Variants in EPHA6 observed in about 807,000 individuals in gnomAD.
EPHA6 encodes EPH receptor A6.
In EPHA6, 50 loss-of-function variants were observed where a neutral mutation model predicts 112.0. The ratio of observed to expected loss-of-function variants is 0.45; its 90% confidence interval spans 0.36 to 0.56. EPHA6 has a LOEUF of 0.56. Ranked by LOEUF, EPHA6 falls within the 20% of genes least tolerant of loss-of-function variation. The pLI, the probability that EPHA6 is intolerant of heterozygous loss-of-function variation, is 0.00. For missense variants in EPHA6, 1,280 were observed against 1,417.4 expected, an observed-to-expected ratio of 0.90 and a Z score of 1.56; for synonymous variants, 529 against 490.7, an observed-to-expected ratio of 1.08 and a Z score of -1.03.
At chr3:97,410,136 C>T (rs1022642797) in intron 6 of EPHA6, among the ~76,000 whole-genome samples, 3 of 151,946 alleles carry the variant, frequency 2.0e-5, no homozygotes, top group Non-Finnish European at 2.9e-5. Context: ...TTCTGAAAGT[C>T]GCATACTCCT....
intron 11 of EPHA6, among the ~76,000 whole-genome samples, chr3:97,534,112 G>A (rs2092728735): frequency 6.6e-6 from 1 of 152,074 alleles, no homozygotes; most frequent in Non-Finnish European, 1.5e-5. Context: ...GCAGCTATGG[G>A]TAAATTACTT....
intron 5 of EPHA6, among the ~76,000 whole-genome samples, chr3:97,308,070 C>G (rs1399650899): frequency 2.0e-5 from 3 of 151,474 alleles, no homozygotes; most frequent in African/African-American, 7.3e-5. Context: ...TCTTTAACTC[C>G]TTATATTCAT....
At chr3:96,817,247 A>C (rs1371509449) in intron 1 of EPHA6, among the ~76,000 whole-genome samples, 1 of 151,926 alleles carries the variant, frequency 6.6e-6, no homozygotes, top group African/African-American at 2.4e-5. Flanking sequence ...AGTGAGTAGA[A>C]ATTTTTCCTG....
chr3:97,710,406 G>A (rs1222423828), intron 14 of EPHA6, among the ~76,000 whole-genome samples: 1 of 152,164 alleles, frequency 6.6e-6, no homozygotes, highest in Non-Finnish European at 1.5e-5. Context: ...TGCAAAAGAA[G>A]ACCTGCTGCT....
At chr3:97,178,657 A>G (rs2076901983) in intron 3 of EPHA6, among the ~76,000 whole-genome samples, 1 of 152,074 alleles carries the variant, frequency 6.6e-6, no homozygotes, top group South Asian at 2.1e-4. Flanking sequence ...AGCACTCTTC[A>G]TATGTCATGC....
intron 1 of EPHA6, among the ~76,000 whole-genome samples, chr3:96,821,495 C>A (rs897516341): frequency 6.6e-6 from 1 of 151,668 alleles, no homozygotes; most frequent in Admixed American, 6.6e-5. Flanking sequence ...TTCTCTAAAA[C>A]AAAATGATTA....
chr3:97,226,989 G>A (rs1305206608), intron 4 of EPHA6, among the ~76,000 whole-genome samples: 2 of 152,024 alleles, frequency 1.3e-5, no homozygotes, highest in African/African-American at 4.8e-5. Flanking sequence ...AAATCTAAAT[G>A]TGAAGGTCAT....
In EPHA6 at chr3:96,973,403, G is replaced by A. The variant is rs144577522; in HGVS notation, c.451-13927G>A. Among the ~76,000 whole-genome samples, 385 of 152,092 alleles carry A rather than the reference G, an allele frequency of 2.5e-3. 3 individuals carry two copies. Among genetic ancestry groups the A allele is most frequent in the African/African-American group, 8.8e-3 (364 of 41,486 alleles). On this transcript the variant is annotated intron_variant, in intron 2 of 17. Coordinates refer to ENST00000389672, the MANE Select transcript of EPHA6 (RefSeq NM_001080448.3). ...TACATATAACTTATTCTTTAGCTGCGAAATGTTTAGATGTACGTAAGTTTG... is the reference window on the plus strand; with the variant it reads ...TACATATAACTTATTCTTTAGCTGCAAAATGTTTAGATGTACGTAAGTTTG...
Position 97,758,766 on chromosome 3 carries a change from G to C in EPHA6, c.*10065G>C, listed in dbSNP as rs899559641. ...AAGGAAGCATCCATGAGAAGATATG[G>C]GGGAAGAGCATTACAAGCAGAGGGA... On this transcript the variant is annotated 3_prime_UTR_variant, in exon 18 of 18. Transcript: ENST00000389672. Among the ~76,000 whole-genome samples, 2 of 151,886 alleles carry C rather than the reference G, an allele frequency of 1.3e-5. No individual in the cohort carries two copies. Among genetic ancestry groups the C allele is most frequent in the African/African-American group, 2.4e-5 (1 of 41,408 alleles).
At position 96,823,355 on chromosome 3, in the gene EPHA6, G is replaced by A. The variant is rs375811438; in HGVS notation, c.385+8347G>A. The stretch of plus-strand genomic sequence containing the variant: ...TCAGGAGAAAAGCTGATCCATGGCA[G>A]TATTGTTTAAATGATTCTATTTGTT... On this transcript the variant is annotated intron_variant, in intron 1 of 17. Transcript: ENST00000389672. 2.9e-4 allele frequency among the ~76,000 whole-genome samples: 44 copies of A among 151,830 alleles called. 2 individuals carry two copies. The highest frequency in any genetic ancestry group is 9.9e-4 in the African/African-American group (41 of 41,512).
chr3:97,278,689 G>T (rs1054508725), intron 5 of EPHA6, among the ~76,000 whole-genome samples: 1 of 152,138 alleles, frequency 6.6e-6, no homozygotes, highest in African/African-American at 2.4e-5. Context: ...AGCACTAGAG[G>T]GTGCAGTGTG....
At chr3:96,891,530 G>A (rs972712736) in intron 2 of EPHA6, among the ~76,000 whole-genome samples, 2 of 151,996 alleles carry the variant, frequency 1.3e-5, no homozygotes, top group African/African-American at 4.8e-5. Flanking sequence ...TCAACATGGT[G>A]AAACCCTGTC....
chr3:96,960,623 G>T (rs1274386613), intron 2 of EPHA6, among the ~76,000 whole-genome samples: 2 of 152,162 alleles, frequency 1.3e-5, no homozygotes, highest in Non-Finnish European at 2.9e-5. Context: ...TTGCTTTAAG[G>T]AAGAGTTTGT....
intron 11 of EPHA6, among the ~76,000 whole-genome samples, chr3:97,581,019 C>T (rs2093432477): frequency 6.6e-6 from 1 of 152,202 alleles, no homozygotes; most frequent in Non-Finnish European, 1.5e-5. Context: ...AGTCTCTCCC[C>T]TCATGGAATA....
chr3:97,063,583 AGTTAATGC>A (rs549473638), intron 3 of EPHA6, among the ~76,000 whole-genome samples: 61 of 152,320 alleles, frequency 4.0e-4, no homozygotes, highest in African/African-American at 1.4e-3. Context: ...CAGGAGAAAT[AGTTAATGC>A]ATGCTGGGCT....
intron 10 of EPHA6, among the ~76,000 whole-genome samples, chr3:97,528,225 A>G (rs1176002321): frequency 6.6e-6 from 1 of 152,222 alleles, no homozygotes; most frequent in South Asian, 2.1e-4. Context: ...TGAGGTTCGT[A>G]TTATTTCCAA....
chr3:97,343,144 C>A lies in EPHA6; in HGVS notation c.1607-62006C>A, dbSNP rs961823139. ...AAAGCCTCTGTCATCTTAGAGAATACATAAATAATTATGTATAGAAAGTTG... is the reference window on the plus strand; with the variant it reads ...AAAGCCTCTGTCATCTTAGAGAATAAATAAATAATTATGTATAGAAAGTTG... On this transcript the variant is annotated intron_variant, in intron 5 of 17. Coordinates refer to ENST00000389672, the MANE Select transcript of EPHA6 (RefSeq NM_001080448.3). Among the ~76,000 whole-genome samples the A allele has an allele frequency of 2.0e-5, 3 of 152,260 alleles. No homozygotes were observed. The East Asian group carries it at 5.8e-4, about 29-fold the overall frequency.
chr3:97,579,964 G>A (rs1018794961), intron 11 of EPHA6, among the ~76,000 whole-genome samples: 4 of 152,100 alleles, frequency 2.6e-5, no homozygotes, highest in Non-Finnish European at 5.9e-5. Flanking sequence ...ATAATACTTT[G>A]AAAGCGATAA....
At chr3:97,517,230 A>G (rs1397584955) in intron 10 of EPHA6, among the ~76,000 whole-genome samples, 2 of 152,192 alleles carry the variant, frequency 1.3e-5, no homozygotes, top group Admixed American at 6.5e-5. Context: ...AACACACTAC[A>G]GTTGAACAAA....
Sources: gnomAD v4.1 joint callset for allele counts (sites outside exome capture counted in the v4.1 genomes callset) on GRCh38, gnomAD v4.1.1 for gene constraint, MANE v1.5 for transcripts, NCBI Gene and HGNC (gene_info 2026-07-23, HGNC 2026-07-21) for gene names.